The following NTNG2 variants were observed in gnomAD, a reference collection of about 807,000 sequenced individuals.
NTNG2 encodes netrin G2.
A neutral mutation model predicts 47.6 loss-of-function variants in NTNG2; 15 were observed. That is an observed-to-expected ratio of 0.32 (90% CI 0.21 to 0.49). The LOEUF is 0.49. NTNG2 is among the 20% of genes least tolerant of loss of function. The pLI, the probability that NTNG2 is intolerant of heterozygous loss-of-function variation, is 0.99. For synonymous variants in NTNG2, 307 were observed against 324.6 expected (o/e 0.95, Z 0.58); for missense variants, 578 against 764.6 (o/e 0.76, Z 2.88).
rs1835167753 is a variant in NTNG2 at position 132,162,753 on chromosome 9, CA to C, written c.-484+517del. 6.6e-6 allele frequency among the ~76,000 whole-genome samples: 1 copy of C among 152,004 alleles called. No individual in the cohort carries two copies. The highest frequency in any genetic ancestry group is 1.5e-5 in the Non-Finnish European group (1 of 68,000). ...CATCCCGTGCCCTCCCATCTCTCTG[CA>C]AACTGGGAGCCTGTGAGTTGCACAG... On this transcript the variant is annotated intron_variant, in intron 1 of 7. Transcript: ENST00000393229. This position sits in a 1 kb window ranked among gnomAD's most constrained non-coding sequence, Gnocchi z 4.6.
At chr9:132,203,203 G>A (rs1295505948) in intron 3 of NTNG2, among the ~76,000 whole-genome samples, 1 of 152,092 alleles carries the variant, frequency 6.6e-6, no homozygotes, top group Non-Finnish European at 1.5e-5. Flanking sequence ...AGCCAGGCAT[G>A]GTGGTGTGCG....
rs764965433 is a variant in NTNG2 at position 132,180,221 on chromosome 9, C to T, written c.213+13177C>T. 2.0e-5 allele frequency among the ~76,000 whole-genome samples: 3 copies of T among 152,246 alleles called. No homozygotes were observed. The highest frequency in any genetic ancestry group is 4.4e-5 in the Non-Finnish European group (3 of 68,044). ...AATGAAACACGACCAGGCATTTTCC[C>T]TTGGCCGAAGCAGAAGTCTGCTGTC... On this transcript the variant is annotated intron_variant, in intron 2 of 7. Coordinates refer to ENST00000393229, the MANE Select transcript of NTNG2 (RefSeq NM_032536.4). The surrounding 1 kb of genome is among the most constrained non-coding windows in gnomAD (Gnocchi z 4.2).
chr9:132,212,659 G>A (rs1839674839), intron 3 of NTNG2, among the ~76,000 whole-genome samples: 1 of 152,062 alleles, frequency 6.6e-6, no homozygotes, highest in Non-Finnish European at 1.5e-5. Context: ...TTGAATGGCA[G>A]TCCTTTGACC....
intron 6 of NTNG2, 62 bp from the exon 7 acceptor site, chr9:132,240,840 AGAGTGGGG>A: frequency 6.2e-7 from 1 of 1,606,630 alleles, no homozygotes; most frequent in East Asian, 2.2e-5. Flanking sequence ...CGAGGCCGGG[AGAGTGGGG>A]GTCCGAGAAG....
intron 3 of NTNG2, among the ~76,000 whole-genome samples, chr9:132,209,989 C>G (rs1016430150): frequency 5.9e-5 from 9 of 151,914 alleles, no homozygotes; most frequent in African/African-American, 1.9e-4. Flanking sequence ...GGACAGAGGG[C>G]CCACCAGCAT....
intron 2 of NTNG2, among the ~76,000 whole-genome samples, chr9:132,173,241 C>T (rs927550531): frequency 3.3e-5 from 5 of 152,214 alleles, no homozygotes; most frequent in Admixed American, 6.5e-5. Context: ...TTGAAATGCC[C>T]GAGGCAGGGC....
chr9:132,168,629 C>A (rs1835669811), intron 2 of NTNG2, among the ~76,000 whole-genome samples: 1 of 152,028 alleles, frequency 6.6e-6, no homozygotes, highest in Non-Finnish European at 1.5e-5. Context: ...GCCATAACTG[C>A]CCCGGGGACC....
chr9:132,241,764 T>A, intron 7 of NTNG2, 112 bp from the exon 8 acceptor site: 1 of 756,796 alleles, frequency 1.3e-6, no homozygotes, highest in Non-Finnish European at 2.0e-6. Context: ...GCCTCCTACA[T>A]CCCCGGCCCA....
chr9:132,177,355 T>C (rs969022382), intron 2 of NTNG2, among the ~76,000 whole-genome samples: 1 of 152,236 alleles, frequency 6.6e-6, no homozygotes, highest in Non-Finnish European at 1.5e-5. Context: ...TGGTGTCATA[T>C]CTAAGAAACC....
intron 2 of NTNG2, among the ~76,000 whole-genome samples, chr9:132,173,448 G>A (rs754392128): frequency 5.3e-4 from 80 of 152,122 alleles, no homozygotes; most frequent in Non-Finnish European, 1.1e-3. Context: ...GGGCCCAGAT[G>A]GGACATCTTT....
In NTNG2 at chr9:132,236,560, G is replaced by A. The variant is rs1010556268; in HGVS notation, c.1055-2544G>A. ...CTGAGCAGCGAGCAGGGCTTTGAGC[G>A]CCCTCTACTGGCAGGAAGCTCTGGC... On this transcript the variant is annotated intron_variant, in intron 5 of 7. Coordinates refer to ENST00000393229, the MANE Select transcript of NTNG2 (RefSeq NM_032536.4). The surrounding 1 kb of genome is among the most constrained non-coding windows in gnomAD (Gnocchi z 4.3). Among the ~76,000 whole-genome samples the A allele has an allele frequency of 4.6e-5, 7 of 152,214 alleles. No homozygotes were observed. The highest frequency in any genetic ancestry group is 1.0e-4 in the Non-Finnish European group (7 of 68,030).
chr9:132,196,151 G>C (rs1838296221), intron 2 of NTNG2, among the ~76,000 whole-genome samples: 1 of 151,986 alleles, frequency 6.6e-6, no homozygotes, highest in African/African-American at 2.4e-5. Flanking sequence ...GTGTTGTACA[G>C]GTCTATGGGT....
At chr9:132,170,912 A>G (rs1256228403) in intron 2 of NTNG2, among the ~76,000 whole-genome samples, 1 of 152,186 alleles carries the variant, frequency 6.6e-6, no homozygotes, top group Non-Finnish European at 1.5e-5. Flanking sequence ...GGGTTGGTCC[A>G]GGATGGTGGA....
rs972163650 is a variant in NTNG2 at position 132,215,526 on chromosome 9, G to A, written c.858-11323G>A. The stretch of plus-strand genomic sequence containing the variant: ...ACCCAGGAGGTGGAGGTTGAAGTGA[G>A]CCAAGATCGAACCACTGCACTCCGG... On this transcript the variant is annotated intron_variant, in intron 3 of 7. Transcript: ENST00000393229. This position sits in a 1 kb window ranked among gnomAD's most constrained non-coding sequence, Gnocchi z 4.2. Among the ~76,000 whole-genome samples the A allele has an allele frequency of 3.3e-5, 5 of 152,140 alleles. No homozygotes were observed. Among genetic ancestry groups the A allele is most frequent in the Non-Finnish European group, 5.9e-5 (4 of 68,032 alleles).
rs1266661617 is a variant in NTNG2, at chr9:132,182,998, C to T, written c.214-14968C>T. Among the ~76,000 whole-genome samples, 1 of 152,188 alleles carries T rather than the reference C, an allele frequency of 6.6e-6. No homozygotes were observed. The highest frequency in any genetic ancestry group is 1.5e-5 in the Non-Finnish European group (1 of 68,038). ...GTGCACAGCCAAGTTTGAGAAGCAC[C>T]GATTGAAACCTCTCCCAGGCCTGCC... is the stretch of plus-strand genomic sequence containing the variant. On this transcript the variant is annotated intron_variant, in intron 2 of 7. Transcript: ENST00000393229. The surrounding 1 kb of genome is among the most constrained non-coding windows in gnomAD (Gnocchi z 4.2).
chr9:132,177,648 T>A (rs1836567488), intron 2 of NTNG2, among the ~76,000 whole-genome samples: 1 of 152,070 alleles, frequency 6.6e-6, no homozygotes, highest in Admixed American at 6.5e-5. Context: ...ATCTCTGGGT[T>A]TTTTTGTTTG....
At chr9:132,202,083 C>T (rs1281950462) in intron 3 of NTNG2, among the ~76,000 whole-genome samples, 1 of 152,216 alleles carries the variant, frequency 6.6e-6, no homozygotes, top group African/African-American at 2.4e-5. Flanking sequence ...TTTCTGGTTC[C>T]AGCTCTGACT....
At chr9:132,241,302 T>C in intron 7 of NTNG2, 1 of 440,928 alleles carries the variant, frequency 2.3e-6, no homozygotes, top group Non-Finnish European at 3.9e-6. Flanking sequence ...GGCAGGGGCC[T>C]GGTGAGATGG....
rs945470125 is a variant in NTNG2 at position 132,241,594 on chromosome 9, C to T, written c.1358-282C>T. Reference sequence around the variant, plus strand: ...AGGAGGCTCCAGGCGCGTGGAACAGCACGTGCACAGCTCTGGAGACTGCAG... The same window carrying T: ...AGGAGGCTCCAGGCGCGTGGAACAGTACGTGCACAGCTCTGGAGACTGCAG... On this transcript the variant is annotated intron_variant, in intron 7 of 7. Transcript: ENST00000393229. 643 of 451,340 alleles carry T rather than the reference C, an allele frequency of 1.4e-3. 12 individuals carry two copies. Among genetic ancestry groups the T allele is most frequent in the Admixed American group, 8.3e-4 (20 of 24,082 alleles). The allele number at this position is 451,340 out of a possible 1,614,324, so 28.0% of individuals were successfully genotyped here. A position where few individuals can be genotyped will look rare whatever the true frequency, so the allele number is the denominator to read the frequency against.
Sources: gnomAD v4.1 joint callset for allele counts (sites outside exome capture counted in the v4.1 genomes callset) on GRCh38, gnomAD v4.1.1 for gene constraint, Gnocchi (gnomAD v3.1) non-coding constraint, MANE v1.5 for transcripts, NCBI Gene and HGNC (gene_info 2026-07-23, HGNC 2026-07-21) for gene names.